PARP10: variants seen among roughly 807,000 people sequenced by gnomAD.
The protein encoded by PARP10 is protein mono-ADP-ribosyltransferase PARP10.
PARP10 carries 56 observed loss-of-function variants against 82.4 expected under a neutral mutation model. That is an observed-to-expected ratio of 0.68 (90% confidence interval 0.55 to 0.85). The LOEUF is 0.85. Among genes scored for constraint, PARP10 ranks in the 40% least tolerant of loss-of-function variants. The pLI is 0.00. For synonymous variants in PARP10, 576 were observed against 601.1 expected, an observed-to-expected ratio of 0.96 and a Z score of 0.61; for missense variants, 1,227 against 1,379.4, an observed-to-expected ratio of 0.89 and a Z score of 1.75.
At position 144,003,127 on chromosome 8, in the gene PARP10, A is replaced by T. The variant is rs558249933; in HGVS notation, c.-80+9403T>A. On this transcript the variant is annotated intron_variant, in intron 1 of 3. Transcript: ENST00000530478. The stretch of plus-strand genomic sequence containing the variant: ...GGACACTCCACTACAAACAACTAAA[A>T]AATGTTATGAAACAGCCGGGCACGG... Among the ~76,000 whole-genome samples, 9 of 152,298 alleles carry T rather than the reference A, an allele frequency of 5.9e-5. No homozygotes were observed. The South Asian group carries it at 1.9e-3, about 32-fold the overall frequency.
upstream of PARP10, chr8:143,991,323 C>A: frequency 7.2e-7 from 1 of 1,394,382 alleles, no homozygotes; most frequent in Non-Finnish European, 9.8e-7. Context: ...CCCCTATGCT[C>A]AGCCTCCCTA....
chr8:143,993,758 A>C (rs1335198835), upstream of PARP10, among the ~76,000 whole-genome samples: 2 of 152,184 alleles, frequency 1.3e-5, no homozygotes, highest in African/African-American at 4.8e-5. Flanking sequence ...GCCCCAGGGC[A>C]GCCTGCCATG....
chr8:143,992,195 G>T, upstream of PARP10: 1 of 1,600,636 alleles, frequency 6.2e-7, no homozygotes, highest in Non-Finnish European at 8.5e-7. Context: ...GGCCGGCAGG[G>T]GTGGCATGGG....
At chr8:143,986,602 G>C (rs2133054931), upstream of PARP10, 1 of 631,450 alleles carries the variant, frequency 1.6e-6, no homozygotes, top group Middle Eastern at 4.3e-4. Flanking sequence ...GACCCCTCAG[G>C]ACCCTCCAGC....
intron 1 of PARP10, among the ~76,000 whole-genome samples, chr8:144,005,039 CGTG>C (rs1834225279): frequency 6.6e-6 from 1 of 151,934 alleles, no homozygotes; most frequent in Non-Finnish European, 1.5e-5. Flanking sequence ...ATTAGCCAGG[CGTG>C]GTGGTGGGCG....
In PARP10 at chr8:143,981,209, C is replaced by A. The variant is rs935667150; in HGVS notation, c.2556+1723G>T. ...GTCAGTGCGTCTGGGTGGTGGTGAT[C>A]CTGGTGGCGGTGAGCGGTGACGGTG... On this transcript the variant is annotated intron_variant, in intron 9 of 10. Coordinates refer to ENST00000313028, the MANE Select transcript of PARP10 (RefSeq NM_032789.5). Among the ~76,000 whole-genome samples the A allele has an allele frequency of 2.6e-4, 40 of 152,104 alleles. 1 individual carries two copies. Among genetic ancestry groups the A allele is most frequent in the African/African-American group, 7.7e-4 (32 of 41,410 alleles).
chr8:144,003,803 AT>A (rs1554751869), intron 1 of PARP10, among the ~76,000 whole-genome samples: 3 of 152,126 alleles, frequency 2.0e-5, no homozygotes, highest in African/African-American at 7.2e-5. Flanking sequence ...AACCAGGAGG[AT>A]AGCTTGAGCC....
rs566950913 is a variant in PARP10 at position 144,011,386 on chromosome 8, G to T, written c.-80+1144C>A. Among the ~76,000 whole-genome samples the T allele has an allele frequency of 6.6e-6, 1 of 152,204 alleles. No homozygotes were observed. Among genetic ancestry groups the T allele is most frequent in the East Asian group, 1.9e-4 (1 of 5,154 alleles). Reference sequence around the variant, plus strand: ...GGTGGGGGTAGGCCCCCCATTGTGAGGTCCAGGCAGAATGCTCAACTCACA... The same window carrying T: ...GGTGGGGGTAGGCCCCCCATTGTGATGTCCAGGCAGAATGCTCAACTCACA... On this transcript the variant is annotated intron_variant, in intron 1 of 3. Transcript: ENST00000530478. The surrounding 1 kb of genome is among the most constrained non-coding windows in gnomAD (Gnocchi z 4.5).
upstream of PARP10, chr8:143,990,917 G>A (rs1459286278): frequency 2.0e-5 from 4 of 198,686 alleles, no homozygotes; most frequent in Middle Eastern, 1.8e-3. The surrounding 1 kb of genome is among the most constrained non-coding windows in gnomAD (Gnocchi z 5.6). Context: ...TGTGAGAAAC[G>A]ACCCAAGCCC....
chr8:143,984,812 T>G lies in PARP10; in HGVS notation c.1190A>C (p.Gln397Pro). ...PVETSKGLLG[Q>P]EGLVEIAMDS... The stretch of plus-strand genomic sequence containing the variant: ...CATGGCAATTTCCACCAGGCCCTCC[T>G]GCCCCAGCAACCCCTTAGAGGTCTC... The change falls in exon 5 of 11, where the codon CAG becomes CCG. Residue 397 changes from glutamine (Q) to proline (P), a missense_variant. Transcript: ENST00000313028. 1 of 1,612,622 alleles carries G rather than the reference T, an allele frequency of 6.2e-7. No individual in the cohort carries two copies.
Position 143,986,218 on chromosome 8 carries a change from C to G in PARP10, c.18G>C (p.Glu6Asp), listed in dbSNP as rs782527974. 12 of 1,613,890 alleles carry G rather than the reference C, an allele frequency of 7.4e-6. No individual in the cohort carries two copies. In the African/African-American group the frequency reaches 1.6e-4, roughly 22 times the overall value. Residue 6 changes from glutamate (E) to aspartate (D), a missense_variant, in exon 2 of 11, where the codon GAG becomes GAC. Transcript: ENST00000313028. MVAMA[E>D]AEAGVAVEVR... is the part of the protein sequence containing the mutation. ...CCTCCACTGCCACCCCTGCCTCTGCCTCCGCCATTGCAACCCTGGGACGGG... is the reference window on the plus strand; with the variant it reads ...CCTCCACTGCCACCCCTGCCTCTGCGTCCGCCATTGCAACCCTGGGACGGG...
Position 143,985,180 on chromosome 8 carries a change from C to T in PARP10, c.822G>A (p.Lys274=). ...ACCCTCCGGTCCTCAGGAGAGCATG[C>T]TTGGTAGCCCTAGGCCCCTGGGTGG... is the stretch of plus-strand genomic sequence containing the variant. ...HPSTQGPRAT[K]HALLRTGGLV... Residue 274 remains lysine (K), a synonymous_variant, in exon 5 of 11, where the codon AAG becomes AAA. Transcript: ENST00000313028. 1 of 1,614,176 alleles carries T rather than the reference C, an allele frequency of 6.2e-7. No individual in the cohort carries two copies. Among genetic ancestry groups the T allele is most frequent in the South Asian group, 1.1e-5 (1 of 91,090 alleles).
At chr8:143,991,373 C>T (rs782009112), upstream of PARP10, 5 of 1,206,768 alleles carry the variant, frequency 4.1e-6, 1 homozygote, top group South Asian at 7.6e-5. Flanking sequence ...TCCAGCCCTC[C>T]CCCTACGGTC....
chr8:143,986,717 G>A (rs1833998380), upstream of PARP10: 4 of 428,946 alleles, frequency 9.3e-6, no homozygotes, highest in South Asian at 8.9e-5. Flanking sequence ...GGCCTCCATG[G>A]CCTGAAAATG....
chr8:143,984,092 C>T lies in PARP10; in HGVS notation c.1693G>A (p.Glu565Lys), dbSNP rs143179108. ...DTGLEEVDPT[E>K]ALPVLPGNAH... is the part of the protein sequence containing the mutation. ...TTGCCAGGGAGCACTGGGAGGGCCTCGGTAGGGTCCACCTGTAGGGAGAGG... is the reference window on the plus strand; with the variant it reads ...TTGCCAGGGAGCACTGGGAGGGCCTTGGTAGGGTCCACCTGTAGGGAGAGG... Residue 565 changes from glutamate to lysine, a missense_variant, in exon 7 of 11, where the codon GAG becomes AAG. Physicochemically the swap from Glu to Lys is moderately conservative, Grantham distance 56. Coordinates refer to ENST00000313028, the MANE Select transcript of PARP10 (RefSeq NM_032789.5). The T allele has an allele frequency of 7.5e-4, 1,171 of 1,553,556 alleles. 5 individuals carry two copies. In the African/African-American group the frequency reaches 0.013, roughly 17 times the overall value.
chr8:143,992,339 C>T, upstream of PARP10: 1 of 1,590,802 alleles, frequency 6.3e-7, no homozygotes. Context: ...ATCACCACAG[C>T]CGTCTGCTTC....
chr8:143,977,402 G>T lies in PARP10; in HGVS notation c.*82C>A. 1.5e-6 allele frequency: 2 copies of T among 1,291,874 alleles called. No individual in the cohort carries two copies. The highest frequency in any genetic ancestry group is 1.5e-5 in the South Asian group (1 of 67,582). The allele number at this position is 1,291,874 out of a possible 1,614,324, so 80.0% of individuals were successfully genotyped here. The stretch of plus-strand genomic sequence containing the variant: ...GGGCGTCCCCGGGGACAGCTCAGGC[G>T]GCCACAGTTGGGGGCGGGGAGCATC... On this transcript the variant is annotated 3_prime_UTR_variant, in exon 11 of 11. Transcript: ENST00000313028.
upstream of PARP10, among the ~76,000 whole-genome samples, chr8:143,995,642 G>A (rs1466021611): frequency 2.0e-5 from 3 of 152,142 alleles, no homozygotes; most frequent in East Asian, 1.9e-4. Flanking sequence ...TATCTTGTAG[G>A]CCTCAGTGTT....
rs1322738588 is a variant in PARP10 at position 143,984,419 on chromosome 8, G to A, written c.1471C>T (p.Gln491Ter). The A allele has an allele frequency of 6.2e-7, 1 of 1,609,414 alleles. No homozygotes were observed. Among genetic ancestry groups the A allele is most frequent in the Non-Finnish European group, 8.5e-7 (1 of 1,178,988 alleles). The stretch of plus-strand genomic sequence containing the variant: ...TCCTCAGCCGCCTGGCAGGAAGCCT[G>A]GGCTCCACAGAGCTGCAGGGCCATT... ...DMTGFRLCGA[Q>*]ASCQAAEEFL... Residue 491 changes from glutamine (Q) to a stop codon, truncating the protein, a stop_gained, in exon 6 of 11, where the codon CAG becomes TAG. Coordinates refer to ENST00000313028, the MANE Select transcript of PARP10 (RefSeq NM_032789.5). LOFTEE classifies it high-confidence loss of function.
Sources: gnomAD v4.1 joint callset for allele counts (sites outside exome capture counted in the v4.1 genomes callset) on GRCh38, gnomAD v4.1.1 for gene constraint, Gnocchi (gnomAD v3.1) non-coding constraint, MANE v1.5 for transcripts, NCBI Gene and HGNC (gene_info 2026-07-23, HGNC 2026-07-21) for gene names.